TMPRSS6: variants seen among roughly 807,000 people sequenced by gnomAD.
TMPRSS6 encodes transmembrane protease serine 6.
A neutral mutation model predicts 101.5 loss-of-function variants in TMPRSS6; 67 were observed. The ratio of observed to expected loss-of-function variants is 0.66; its 90% confidence interval spans 0.54 to 0.81. The LOEUF is 0.81. Among genes scored for constraint, TMPRSS6 ranks in the 30% least tolerant of loss-of-function variants. The pLI, the probability that TMPRSS6 is intolerant of heterozygous loss-of-function variation, is 0.00. For missense variants in TMPRSS6, 1,034 were observed against 1,088.7 expected, an observed-to-expected ratio of 0.95 and a Z score of 0.71; for synonymous variants, 453 against 464.9, an observed-to-expected ratio of 0.97 and a Z score of 0.33.
At chr22:37,076,424 G>GC (rs1388306154) in intron 10 of TMPRSS6, among the ~76,000 whole-genome samples, 1 of 152,116 alleles carries the variant, frequency 6.6e-6, no homozygotes, top group Non-Finnish European at 1.5e-5. Context: ...GGACAACACC[G>GC]CCCCTGCACC....
chr22:37,086,322 C>T lies in TMPRSS6; in HGVS notation c.934G>A (p.Asp312Asn), dbSNP rs531807256. 7 of 1,614,100 alleles carry T rather than the reference C, an allele frequency of 4.3e-6. No homozygotes were observed. Among genetic ancestry groups the T allele is most frequent in the African/African-American group, 4.0e-5 (3 of 75,020 alleles). ...VWKKGLHSYY[D>N]PFVLSVQPVV... ...GGCTGCACGGAGAGCACGAAGGGGT[C>T]GTAGTAGCTGTGCAGGCCCTTCTTC... Residue 312 changes from aspartate (D) to asparagine (N), a missense_variant, in exon 8 of 18, where the codon GAC becomes AAC. Physicochemically the swap from Asp to Asn is conservative, Grantham distance 23. Coordinates refer to ENST00000676104, the MANE Select transcript of TMPRSS6 (RefSeq NM_001374504.1).
intron 12 of TMPRSS6, among the ~76,000 whole-genome samples, chr22:37,074,286 G>T (rs1927411291): frequency 6.6e-6 from 1 of 152,224 alleles, no homozygotes; most frequent in Non-Finnish European, 1.5e-5. Flanking sequence ...CAGGGCAGAG[G>T]AGGGGGACAT....
At chr22:37,091,145 T>C (rs1307001709) in intron 6 of TMPRSS6, among the ~76,000 whole-genome samples, 13 of 152,184 alleles carry the variant, frequency 8.5e-5, no homozygotes, top group Admixed American at 8.5e-4. Flanking sequence ...GTGTGTTCGA[T>C]CTAGGCACCA....
Position 37,075,013 on chromosome 22 carries a change from A to C in TMPRSS6, c.1342+122T>G. 2.0e-6 allele frequency: 3 copies of C among 1,506,286 alleles called. No homozygotes were observed. In the East Asian group the frequency reaches 6.8e-5, roughly 34 times the overall value. 93.3% of individuals were successfully genotyped at this position (1,506,286 alleles called of 1,614,324 possible). A position where few individuals can be genotyped will look rare whatever the true frequency, so the allele number is the denominator to read the frequency against. On this transcript the variant is annotated intron_variant, in intron 11 of 17. Coordinates refer to ENST00000676104, the MANE Select transcript of TMPRSS6 (RefSeq NM_001374504.1). ...TGTGCAAGCACATACACACACACAC[A>C]CACTCTCTCTCTCCTTTTGTTCAGC...
chr22:37,069,410 C>G lies in TMPRSS6; in HGVS notation c.1842-66G>C. The G allele has an allele frequency of 6.9e-7, 1 of 1,444,982 alleles. No homozygotes were observed. The highest frequency in any genetic ancestry group is 9.3e-7 in the Non-Finnish European group (1 of 1,073,404). 89.5% of individuals were successfully genotyped at this position (1,444,982 alleles called of 1,614,324 possible). ...GTGGGAGGAAGCTGCCTCTCCCCAT[C>G]CAGGGACCCTCAAGATAGCCAGATC... On this transcript the variant is annotated intron_variant, in intron 15 of 17. Transcript: ENST00000676104. The surrounding 1 kb of genome is among the most constrained non-coding windows in gnomAD (Gnocchi z 4.8).
rs1930270204 is a variant in TMPRSS6, at chr22:37,101,044, G to A, written c.202+2172C>T. Among the ~76,000 whole-genome samples the A allele has an allele frequency of 6.6e-6, 1 of 152,134 alleles. No homozygotes were observed. The highest frequency in any genetic ancestry group is 1.5e-5 in the Non-Finnish European group (1 of 68,022). ...GGAGTTGGGGGGCAGAGGGAGCCAG[G>A]TTGGAAAGGGCACAGAGAGACTGGG... On this transcript the variant is annotated intron_variant, in intron 2 of 17. Coordinates refer to ENST00000676104, the MANE Select transcript of TMPRSS6 (RefSeq NM_001374504.1). This position sits in a 1 kb window ranked among gnomAD's most constrained non-coding sequence, Gnocchi z 4.1.
chr22:37,110,390 C>T (rs557541304), upstream of TMPRSS6, among the ~76,000 whole-genome samples: 1 of 151,792 alleles, frequency 6.6e-6, no homozygotes, highest in South Asian at 2.1e-4. Flanking sequence ...TGATTCCACC[C>T]ACCTCGACCT....
chr22:37,102,517 A>G (rs996420515), intron 2 of TMPRSS6, among the ~76,000 whole-genome samples: 3 of 152,228 alleles, frequency 2.0e-5, no homozygotes, highest in Non-Finnish European at 2.9e-5. Flanking sequence ...GCTCAAGAGC[A>G]TTTATTCCAT....
intron 2 of TMPRSS6, among the ~76,000 whole-genome samples, chr22:37,102,691 G>A (rs4140590): frequency 0.37 from 55,561 of 151,950 alleles, 10,564 homozygotes; most frequent in Non-Finnish European, 0.41. Context: ...TGCCTGCTCC[G>A]TCCCCCATTC....
At chr22:37,075,427 T>G in intron 10 of TMPRSS6, 147 bp from the exon 11 acceptor site, 2 of 1,089,216 alleles carry the variant, frequency 1.8e-6, no homozygotes, top group Non-Finnish European at 2.6e-6. Context: ...CTTAGATGAG[T>G]GCACCCCCAG....
chr22:37,094,244 A>T (rs1929533005), intron 6 of TMPRSS6, among the ~76,000 whole-genome samples: 2 of 152,136 alleles, frequency 1.3e-5, no homozygotes, highest in African/African-American at 4.8e-5. Context: ...AGACTGTAAT[A>T]AGCTGTCAAT....
intron 1 of TMPRSS6, among the ~76,000 whole-genome samples, chr22:37,107,693 G>C (rs1488905938): frequency 6.6e-6 from 1 of 151,918 alleles, no homozygotes; most frequent in African/African-American, 2.4e-5. Context: ...CAGTTTTCCT[G>C]TCCTCTTTGC....
chr22:37,100,859 G>C (rs187823039), intron 2 of TMPRSS6, among the ~76,000 whole-genome samples: 1 of 152,216 alleles, frequency 6.6e-6, no homozygotes, highest in Non-Finnish European at 1.5e-5. Flanking sequence ...CACAGAAAAA[G>C]CAACCTGCTG....
Position 37,069,455 on chromosome 22 carries a change from TCCACACCCA to T in TMPRSS6, c.1842-120_1842-112del. 1 of 1,070,746 alleles carries T rather than the reference TCCACACCCA, an allele frequency of 9.3e-7. No homozygotes were observed. Among genetic ancestry groups the T allele is most frequent in the Non-Finnish European group, 1.3e-6 (1 of 746,432 alleles). 66.3% of individuals were successfully genotyped at this position (1,070,746 alleles called of 1,614,324 possible). On this transcript the variant is annotated intron_variant, in intron 15 of 17. Transcript: ENST00000676104. The surrounding 1 kb of genome is among the most constrained non-coding windows in gnomAD (Gnocchi z 4.8). ...CAGATCCCCGCCCGGGACAGTGCCCTCCACACCCAGCCCTCCCTTCCCTCCCTGAAGGTC... is the reference window on the plus strand; with the variant it reads ...CAGATCCCCGCCCGGGACAGTGCCCTGCCCTCCCTTCCCTCCCTGAAGGTC...
upstream of TMPRSS6, among the ~76,000 whole-genome samples, chr22:37,109,939 AGGTGAGTGCAGGGGCTCACAAG>A (rs1315375178): frequency 6.6e-6 from 1 of 152,044 alleles, no homozygotes; most frequent in Admixed American, 6.5e-5. Context: ...AGGCCGGTGC[AGGTGAGTGCAGGGGCTCACAAG>A]GGTGAGTCCA....
chr22:37,090,677 T>C (rs1170114692), intron 6 of TMPRSS6, among the ~76,000 whole-genome samples: 2 of 152,224 alleles, frequency 1.3e-5, no homozygotes, highest in African/African-American at 2.4e-5. Flanking sequence ...CATCTGGGTT[T>C]GCCCAGCCAC....
intron 10 of TMPRSS6, among the ~76,000 whole-genome samples, chr22:37,079,543 G>C (rs978209936): frequency 6.6e-6 from 1 of 152,168 alleles, no homozygotes; most frequent in African/African-American, 2.4e-5. Flanking sequence ...GGGGAAGGAG[G>C]GTCACAGAAG....
chr22:37,082,036 C>T (rs1928311366), intron 10 of TMPRSS6, among the ~76,000 whole-genome samples: 1 of 152,244 alleles, frequency 6.6e-6, no homozygotes, highest in South Asian at 2.1e-4. Flanking sequence ...CTCCCCAGTA[C>T]CCAGACCCTT....
rs778666347 is a variant in TMPRSS6 at position 37,069,222 on chromosome 22, C to A, written c.1964G>T (p.Ser655Ile). ...LLLHPYHEED[S>I]HDYDVALLQL... ...CAGCAGCGCCACGTCGTAGTCATGG[C>A]TGTCCTCTTCGTGGTACGGGTGCAG... Residue 655 changes from serine (S) to isoleucine (I), a missense_variant, in exon 16 of 18, where the codon AGC (serine) becomes ATC (isoleucine). Coordinates refer to ENST00000676104, the MANE Select transcript of TMPRSS6 (RefSeq NM_001374504.1). This position sits in a 1 kb window ranked among gnomAD's most constrained non-coding sequence, Gnocchi z 4.8. 35 of 1,608,890 alleles carry A rather than the reference C, an allele frequency of 2.2e-5. No individual in the cohort carries two copies. Among genetic ancestry groups the A allele is most frequent in the Non-Finnish European group, 2.8e-5 (33 of 1,178,462 alleles).
Sources: allele counts gnomAD v4.1 joint callset (sites outside exome capture counted in the v4.1 genomes callset), GRCh38; gene constraint gnomAD v4.1.1; non-coding constraint Gnocchi (gnomAD v3.1); transcripts MANE v1.5; gene names NCBI Gene and HGNC (gene_info 2026-07-23, HGNC 2026-07-21).